SLC26A5: variants seen among roughly 807,000 people sequenced by gnomAD.
SLC26A5 encodes the protein prestin.
In SLC26A5, 51 loss-of-function variants were observed where a neutral mutation model predicts 81.0. The ratio of observed to expected loss-of-function variants is 0.63; its 90% CI spans 0.50 to 0.80. SLC26A5 has a LOEUF of 0.80. SLC26A5 is among the 30% of genes least tolerant of loss of function. SLC26A5 has a pLI of 0.00. For synonymous variants in SLC26A5, 325 were observed against 332.8 expected (o/e 0.98, Z 0.25); for missense variants, 771 against 905.8 (o/e 0.85, Z 1.91).
At chr7:103,381,237 C>G (rs760121519) in intron 14 of SLC26A5, among the ~76,000 whole-genome samples, 1 of 151,422 alleles carries the variant, frequency 6.6e-6, no homozygotes, top group Non-Finnish European at 1.5e-5. Context: ...CACACACATA[C>G]GCAATACACA....
chr7:103,371,838 G>A (rs181105545), downstream of SLC26A5, among the ~76,000 whole-genome samples: 17 of 151,778 alleles, frequency 1.1e-4, no homozygotes, highest in East Asian at 3.1e-3. Context: ...TGGGACTACA[G>A]GTGCGCGCCA....
At chr7:103,430,659 G>A (rs79224116) in intron 2 of SLC26A5, among the ~76,000 whole-genome samples, 2,988 of 148,666 alleles carry the variant, frequency 0.02, 101 homozygotes, top group African/African-American at 0.07. Flanking sequence ...AAGGCAAAAA[G>A]GCAGGCACGT....
intron 19 of SLC26A5, chr7:103,355,677 C>T: frequency 3.8e-6 from 6 of 1,592,082 alleles, no homozygotes; most frequent in Non-Finnish European, 5.2e-6. Context: ...TAAATTTTGT[C>T]ATCTTTCTCT....
intron 1 of SLC26A5, 114 bp downstream of exon 1, chr7:103,445,983 AG>A (rs1479702655): frequency 3.9e-5 from 6 of 152,260 alleles, no homozygotes; most frequent in Admixed American, 3.9e-4. Context: ...CCTGGGAGAC[AG>A]GGGCAGAGGC....
chr7:103,414,671 C>A (rs1038956233), intron 4 of SLC26A5, among the ~76,000 whole-genome samples: 1 of 152,134 alleles, frequency 6.6e-6, no homozygotes, highest in Non-Finnish European at 1.5e-5. Flanking sequence ...CTACTGAAGG[C>A]CATCTTGATT....
chr7:103,433,675 C>T (rs970929028), intron 2 of SLC26A5: 2 of 151,100 alleles, frequency 1.3e-5, no homozygotes, highest in African/African-American at 4.9e-5. Context: ...CACTATCTGC[C>T]CTAATTTGTA....
chr7:103,354,220 A>G (rs997727560), intron 19 of SLC26A5, among the ~76,000 whole-genome samples: 3 of 152,206 alleles, frequency 2.0e-5, no homozygotes, highest in African/African-American at 7.2e-5. Flanking sequence ...TTTTAATACT[A>G]TTCGTGATTA....
chr7:103,363,715 C>T (rs1683611262), intron 19 of SLC26A5, among the ~76,000 whole-genome samples: 1 of 152,100 alleles, frequency 6.6e-6, no homozygotes, highest in Admixed American at 6.5e-5. Context: ...AAATATGTTA[C>T]AGGCTATTAT....
At chr7:103,421,338 A>C (rs1380615704) in intron 3 of SLC26A5, 25 bp downstream of exon 3, 5 of 1,613,166 alleles carry the variant, frequency 3.1e-6, no homozygotes, top group Non-Finnish European at 4.2e-6. Context: ...ATACAATAAC[A>C]GAAACAGGTT....
At chr7:103,413,771 C>T (rs1220555709) in intron 4 of SLC26A5, among the ~76,000 whole-genome samples, 1 of 152,176 alleles carries the variant, frequency 6.6e-6, no homozygotes, top group African/African-American at 2.4e-5. Flanking sequence ...CGGTCCTAGG[C>T]AGTTCACATC....
rs376702016 is a variant in SLC26A5, at chr7:103,442,459, G to T, written c.-54+624C>A. Reference sequence around the variant, plus strand: ...GGCCCACACTTTCACTATTGAAAACGATTGTATTCTGGAGGGCCATGAGGG... The same window carrying T: ...GGCCCACACTTTCACTATTGAAAACTATTGTATTCTGGAGGGCCATGAGGG... On this transcript the variant is annotated intron_variant, in intron 2 of 19. Transcript: ENST00000306312. Among the ~76,000 whole-genome samples, 28 of 152,224 alleles carry T rather than the reference G, an allele frequency of 1.8e-4. 1 individual carries two copies. Among genetic ancestry groups the T allele is most frequent in the East Asian group, 1.7e-3 (9 of 5,178 alleles).
chr7:103,371,509 CA>C (rs1275075857), downstream of SLC26A5, among the ~76,000 whole-genome samples: 1 of 150,042 alleles, frequency 6.7e-6, no homozygotes, highest in African/African-American at 2.4e-5. Context: ...GTATTTTTAG[CA>C]GAGACGGGGT....
chr7:103,415,661 C>A (rs1824847113), intron 4 of SLC26A5, among the ~76,000 whole-genome samples: 1 of 152,178 alleles, frequency 6.6e-6, no homozygotes, highest in Non-Finnish European at 1.5e-5. Flanking sequence ...ATTTTAGATG[C>A]AAACTTAATT....
chr7:103,432,365 G>A (rs969543710), intron 2 of SLC26A5, among the ~76,000 whole-genome samples: 16 of 151,970 alleles, frequency 1.1e-4, no homozygotes, highest in Admixed American at 4.6e-4. Flanking sequence ...ATTTGTTGGA[G>A]CTTCTCCTGT....
chr7:103,409,554 C>T (rs1013835354), intron 7 of SLC26A5, among the ~76,000 whole-genome samples: 18 of 151,998 alleles, frequency 1.2e-4, no homozygotes, highest in African/African-American at 4.1e-4. Context: ...TTCACATGAT[C>T]GATTTCAACA....
chr7:103,421,260 T>G (rs1157618021), intron 3 of SLC26A5, 103 bp downstream of exon 3: 17 of 1,323,636 alleles, frequency 1.3e-5, no homozygotes, highest in Non-Finnish European at 1.7e-5. Context: ...TCAGCATTCA[T>G]TTTTCTCTCC....
intron 10 of SLC26A5, 144 bp from the exon 11 acceptor site, chr7:103,391,879 T>C (rs1822690038): frequency 2.7e-6 from 2 of 728,090 alleles, no homozygotes; most frequent in Non-Finnish European, 4.9e-6. Flanking sequence ...TCAGCATGAG[T>C]TCAAAATAGG....
intron 14 of SLC26A5, among the ~76,000 whole-genome samples, chr7:103,382,089 G>A (rs1025749272): frequency 7.2e-5 from 11 of 152,064 alleles, no homozygotes; most frequent in Non-Finnish European, 1.3e-4. Context: ...GCTGAATTTC[G>A]CAGAGTTCAA....
intron 19 of SLC26A5, among the ~76,000 whole-genome samples, chr7:103,364,981 A>AGATATATATATATT (rs1554575490): frequency 4.3e-5 from 6 of 140,802 alleles, no homozygotes; most frequent in African/African-American, 1.3e-4. Context: ...ATATATATAT[A>AGATATATATATATT]TATTTAGAGA....
Sources: allele counts gnomAD v4.1 joint callset (sites outside exome capture counted in the v4.1 genomes callset), GRCh38; gene constraint gnomAD v4.1.1; transcripts MANE v1.5; gene names NCBI Gene and HGNC (gene_info 2026-07-23, HGNC 2026-07-21).